MAGI1: variants seen among roughly 807,000 people sequenced by gnomAD.
MAGI1 encodes membrane associated guanylate kinase, WW and PDZ domain containing 1.
Under a neutral mutation model 139.9 loss-of-function variants are expected in MAGI1, and 58 were observed. The observed-to-expected ratio is 0.41, with a 90% CI of 0.34 to 0.52. The LOEUF is 0.52. MAGI1 is among the 20% of genes least tolerant of loss of function. The pLI, the probability that MAGI1 is intolerant of heterozygous loss-of-function variation, is 0.12. For synonymous variants in MAGI1, 812 were observed against 737.9 expected (o/e 1.10, Z -1.63); for missense variants, 1,874 against 1,901.6 (o/e 0.99, Z 0.27).
chr3:65,708,578 G>A (rs1163547607), intron 1 of MAGI1, among the ~76,000 whole-genome samples: 1 of 152,060 alleles, frequency 6.6e-6, no homozygotes, highest in Non-Finnish European at 1.5e-5. Context: ...GCAGTCAGGT[G>A]GGCAAATCGG....
chr3:65,802,417 G>A (rs776978099), intron 1 of MAGI1, among the ~76,000 whole-genome samples: 5 of 152,038 alleles, frequency 3.3e-5, no homozygotes, highest in South Asian at 2.1e-4. Flanking sequence ...CCATGTGAAC[G>A]CATTCATGAG....
intron 1 of MAGI1, among the ~76,000 whole-genome samples, chr3:65,897,465 C>T (rs1397408665): frequency 6.7e-6 from 1 of 149,742 alleles, no homozygotes; most frequent in East Asian, 2.0e-4. Flanking sequence ...CTGGGGCCTG[C>T]TGTGGGGTGG....
At chr3:65,647,552 C>T (rs1408970712) in intron 1 of MAGI1, among the ~76,000 whole-genome samples, 4 of 152,074 alleles carry the variant, frequency 2.6e-5, no homozygotes, top group Non-Finnish European at 5.9e-5. Flanking sequence ...ACAATATACA[C>T]TATGACCAAG....
chr3:65,707,033 A>G (rs972502878), intron 1 of MAGI1, among the ~76,000 whole-genome samples: 1 of 152,220 alleles, frequency 6.6e-6, no homozygotes, highest in African/African-American at 2.4e-5. Context: ...GCAGTCGGAT[A>G]AACTAAAGAC....
chr3:65,927,649 T>C (rs937123005), intron 1 of MAGI1, among the ~76,000 whole-genome samples: 3 of 152,180 alleles, frequency 2.0e-5, no homozygotes, highest in Non-Finnish European at 4.4e-5. Context: ...TTAGGTTCAA[T>C]CAATCATTGG....
rs374242589 is a variant in MAGI1, at chr3:65,449,892, A to G, written c.1043-1835T>C. Among the ~76,000 whole-genome samples the G allele has an allele frequency of 9.8e-5, 15 of 152,302 alleles. No homozygotes were observed. The East Asian group carries it at 1.9e-3, about 20-fold the overall frequency. ...CTCAACAGAGTAAGATACATGAGTG[A>G]CCTAATCATATTTTTGGGGGCAAAG... On this transcript the variant is annotated intron_variant, in intron 6 of 22. Coordinates refer to ENST00000402939, the MANE Select transcript of MAGI1 (RefSeq NM_001033057.2).
At chr3:65,478,824 A>C (rs890766325) in intron 3 of MAGI1, 26 bp from the exon 4 acceptor site, 2 of 1,554,958 alleles carry the variant, frequency 1.3e-6, no homozygotes. Context: ...ACACATTTGC[A>C]TGTTTCAAAA....
At chr3:65,738,761 G>A (rs4688594) in intron 1 of MAGI1, among the ~76,000 whole-genome samples, 140,047 of 152,252 alleles carry the variant, frequency 0.92, 65,535 homozygotes, top group East Asian at 1. Context: ...ACAATACATT[G>A]AAAGGAATCT....
intron 1 of MAGI1, among the ~76,000 whole-genome samples, chr3:65,761,209 A>C (rs56382326): frequency 0.02 from 3,007 of 152,218 alleles, 95 homozygotes; most frequent in African/African-American, 0.068. Flanking sequence ...AAAAGATGGT[A>C]TGTTTTAGGG....
intron 1 of MAGI1, among the ~76,000 whole-genome samples, chr3:65,678,928 C>A (rs867533944): frequency 4.6e-5 from 7 of 152,148 alleles, no homozygotes; most frequent in Admixed American, 3.9e-4. Flanking sequence ...CGCATTGACA[C>A]CCAAATAAAT....
At chr3:65,609,624 G>GCCCA (rs1018202496) in intron 2 of MAGI1, 6 of 152,992 alleles carry the variant, frequency 3.9e-5, no homozygotes, top group East Asian at 3.8e-4. Context: ...TGGCTCTGTT[G>GCCCA]CCCACCCTGA....
intron 2 of MAGI1, among the ~76,000 whole-genome samples, chr3:65,611,657 A>G (rs895445618): frequency 6.8e-6 from 1 of 147,480 alleles, no homozygotes; most frequent in African/African-American, 2.5e-5. Flanking sequence ...TATATATACT[A>G]TACTATTATA....
chr3:65,421,021 G>A (rs368789941), intron 12 of MAGI1, among the ~76,000 whole-genome samples: 2 of 152,122 alleles, frequency 1.3e-5, no homozygotes, highest in Non-Finnish European at 2.9e-5. Flanking sequence ...TCAAAAATCC[G>A]TAAAGAAACC....
chr3:65,540,009 C>A (rs1033864532), intron 2 of MAGI1, among the ~76,000 whole-genome samples: 2 of 152,194 alleles, frequency 1.3e-5, no homozygotes, highest in Non-Finnish European at 2.9e-5. Flanking sequence ...ACTTCCCCTA[C>A]ACTCACTTCC....
intron 1 of MAGI1, among the ~76,000 whole-genome samples, chr3:65,862,340 C>G (rs2059584318): frequency 6.6e-6 from 1 of 152,188 alleles, no homozygotes; most frequent in African/African-American, 2.4e-5. Flanking sequence ...GCACCTGCCA[C>G]AGAGTTCATA....
In MAGI1 at chr3:65,356,771, G is replaced by A; in HGVS notation, c.3996C>T (p.Ser1332=). The change falls in exon 23 of 23, where the codon AGC becomes AGT. Residue 1332 remains serine (S), a synonymous_variant. Transcript: ENST00000402939. ...CCCTCCTCTCCAAAGTGTTGTCGGC[G>A]CTGCGGGTGCCCTCCCTCCGCTTCT... ...SPEKRREGTR[S]ADNTLERREK... is the part of the protein sequence containing the mutation. 6.2e-7 allele frequency: 1 copy of A among 1,606,058 alleles called. No homozygotes were observed. Among genetic ancestry groups the A allele is most frequent in the African/African-American group, 1.3e-5 (1 of 74,708 alleles).
chr3:65,879,612 C>T (rs1337335786), intron 1 of MAGI1, among the ~76,000 whole-genome samples: 1 of 152,118 alleles, frequency 6.6e-6, no homozygotes, highest in Non-Finnish European at 1.5e-5. Flanking sequence ...CCTCTCTGTG[C>T]TCAGAATCAT....
chr3:65,801,172 T>C (rs2040490143), intron 1 of MAGI1, among the ~76,000 whole-genome samples: 1 of 152,148 alleles, frequency 6.6e-6, no homozygotes, highest in Admixed American at 6.5e-5. Context: ...AATAATCACT[T>C]CCTGAAATGG....
chr3:65,815,581 CAT>C (rs1329093915), intron 1 of MAGI1, among the ~76,000 whole-genome samples: 3 of 152,024 alleles, frequency 2.0e-5, no homozygotes. Flanking sequence ...GAAGTCAAAT[CAT>C]ATAGTATTAT....
Sources: gnomAD v4.1 joint callset for allele counts (sites outside exome capture counted in the v4.1 genomes callset) on GRCh38, gnomAD v4.1.1 for gene constraint, MANE v1.5 for transcripts, NCBI Gene and HGNC (gene_info 2026-07-23, HGNC 2026-07-21) for gene names.